RAMP1: variants seen among roughly 807,000 people sequenced by gnomAD.
RAMP1 encodes receptor activity modifying protein 1.
A neutral mutation model predicts 8.2 loss-of-function variants in RAMP1; 7 were observed. That is an observed-to-expected ratio of 0.85 (90% CI 0.49 to 1.60). RAMP1 has a LOEUF of 1.60. Ranked by LOEUF, RAMP1 falls within the 40% of genes most tolerant of loss-of-function variation. The probability of loss-of-function intolerance (pLI) is 0.00; values close to 1 mark genes in which losing one functional copy is unlikely to be tolerated. For synonymous variants in RAMP1, 92 were observed against 84.7 expected (o/e 1.09, Z -0.47); for missense variants, 192 against 202.4 (o/e 0.95, Z 0.31).
rs2062112462 is a variant in RAMP1, at chr2:237,859,654, C to T, written c.-22C>T. 2 of 1,454,248 alleles carry T rather than the reference C, an allele frequency of 1.4e-6. No homozygotes were observed. Among genetic ancestry groups the T allele is most frequent in the Non-Finnish European group, 1.8e-6 (2 of 1,101,682 alleles). The allele number at this position is 1,454,248 out of a possible 1,614,324, so 90.1% of individuals were successfully genotyped here. A position where few individuals can be genotyped will look rare whatever the true frequency, so the allele number is the denominator to read the frequency against. On this transcript the variant is annotated 5_prime_UTR_variant, in exon 1 of 3. Coordinates refer to ENST00000254661, the MANE Select transcript of RAMP1 (RefSeq NM_005855.4). ...CAGCGGGGCGCGTGGCGAGCGGACT[C>T]GACTCGGCACCGCTGTGCACCATGG... is the stretch of plus-strand genomic sequence containing the variant.
At chr2:237,861,894 T>A (rs2062136214) in intron 1 of RAMP1, among the ~76,000 whole-genome samples, 2 of 151,968 alleles carry the variant, frequency 1.3e-5, no homozygotes, top group South Asian at 4.1e-4. Context: ...TTCTTTTCCC[T>A]CTGAGCATCC....
chr2:237,910,353 A>G (rs1323225823), intron 2 of RAMP1, among the ~76,000 whole-genome samples: 1 of 151,536 alleles, frequency 6.6e-6, no homozygotes, highest in Non-Finnish European at 1.5e-5. Context: ...AGTCACACAC[A>G]CACACAATCA....
intron 1 of RAMP1, among the ~76,000 whole-genome samples, chr2:237,864,183 G>A (rs537859211): frequency 6.6e-6 from 1 of 152,276 alleles, no homozygotes; most frequent in South Asian, 2.1e-4. Flanking sequence ...TCCAGGGGGT[G>A]GGGTACAGCT....
At chr2:237,880,402 G>T (rs302679) in intron 2 of RAMP1, among the ~76,000 whole-genome samples, 126,626 of 152,186 alleles carry the variant, frequency 0.83, 53,253 homozygotes, top group African/African-American at 0.95. Flanking sequence ...GCTTATCTTA[G>T]ACATTTTGTG....
At chr2:237,866,490 C>T (rs530326977) in intron 1 of RAMP1, among the ~76,000 whole-genome samples, 26 of 152,116 alleles carry the variant, frequency 1.7e-4, no homozygotes, top group Non-Finnish European at 3.7e-4. Context: ...GAGTGACTCA[C>T]TGCTGAGTAG....
intron 1 of RAMP1, among the ~76,000 whole-genome samples, chr2:237,860,969 C>T (rs887030130): frequency 2.0e-5 from 3 of 152,192 alleles, no homozygotes; most frequent in South Asian, 4.1e-4. Context: ...GCTGAAGTTA[C>T]GTGGAAAGCA....
chr2:237,906,704 C>A (rs1438885984), intron 2 of RAMP1, among the ~76,000 whole-genome samples: 1 of 113,420 alleles, frequency 8.8e-6, no homozygotes. Flanking sequence ...TCAAAAGGTT[C>A]TTATATCAAC....
chr2:237,877,466 C>T lies in RAMP1; in HGVS notation c.191+104C>T. 2 of 1,442,814 alleles carry T rather than the reference C, an allele frequency of 1.4e-6. No homozygotes were observed. Among genetic ancestry groups the T allele is most frequent in the Non-Finnish European group, 1.9e-6 (2 of 1,080,248 alleles). The allele number at this position is 1,442,814 out of a possible 1,614,324, so 89.4% of individuals were successfully genotyped here. ...GGAGCTGTGGAAGATCCTTTCTAGACCCCGGAAGGGTTCTTCCCCCAGTGG... is the reference window on the plus strand; with the variant it reads ...GGAGCTGTGGAAGATCCTTTCTAGATCCCGGAAGGGTTCTTCCCCCAGTGG... On this transcript the variant is annotated intron_variant, in intron 2 of 2. Coordinates refer to ENST00000254661, the MANE Select transcript of RAMP1 (RefSeq NM_005855.4). This position sits in a 1 kb window ranked among gnomAD's most constrained non-coding sequence, Gnocchi z 4.4.
upstream of RAMP1, chr2:237,859,570 C>A: frequency 1.2e-6 from 1 of 813,054 alleles, no homozygotes; most frequent in Non-Finnish European, 1.5e-6. Flanking sequence ...ACCGCTCCCG[C>A]GCCCGCTCCC....
At chr2:237,899,163 CG>C (rs2062574082) in intron 2 of RAMP1, among the ~76,000 whole-genome samples, 1 of 152,234 alleles carries the variant, frequency 6.6e-6, no homozygotes, top group African/African-American at 2.4e-5. Flanking sequence ...CTCCGCCTCC[CG>C]GGTTCAAGCA....
intron 2 of RAMP1, among the ~76,000 whole-genome samples, chr2:237,901,369 C>A (rs543560071): frequency 6.6e-6 from 1 of 152,316 alleles, no homozygotes; most frequent in East Asian, 1.9e-4. Flanking sequence ...TCATGGACAG[C>A]CACAAAGTAA....
chr2:237,879,989 CAAA>C (rs35678960), intron 2 of RAMP1, among the ~76,000 whole-genome samples: 2 of 75,862 alleles, frequency 2.6e-5, no homozygotes, highest in Non-Finnish European at 5.0e-5. Context: ...GACTTTGTCT[CAAA>C]AAAAAAAAAA....
intron 2 of RAMP1, among the ~76,000 whole-genome samples, chr2:237,903,640 C>T (rs1163747061): frequency 6.6e-6 from 1 of 151,992 alleles, no homozygotes; most frequent in Non-Finnish European, 1.5e-5. Context: ...GATCCTCTGA[C>T]CTAAGCCTCC....
rs1261160114 is a variant in RAMP1, at chr2:237,865,338, GAGGGCAGGGGAGTAGAGAGGAGAGTGC to G, written c.52+5616_52+5642del. On this transcript the variant is annotated intron_variant, in intron 1 of 2. Coordinates refer to ENST00000254661, the MANE Select transcript of RAMP1 (RefSeq NM_005855.4). This position sits in a 1 kb window ranked among gnomAD's most constrained non-coding sequence, Gnocchi z 4.2. ...CAGGGGAGAAGAGAGGAGGGGAGGG[GAGGGCAGGGGAGTAGAGAGGAGAGTGC>G]AGGGGAGGGGAGATGACACCCCAGG... Among the ~76,000 whole-genome samples, 2 of 126,180 alleles carry G rather than the reference GAGGGCAGGGGAGTAGAGAGGAGAGTGC, an allele frequency of 1.6e-5. No homozygotes were observed. The highest frequency in any genetic ancestry group is 5.8e-5 in the African/African-American group (2 of 34,326). The allele number at this position is 126,180 out of a possible 152,430, so 82.8% of individuals were successfully genotyped here.
At chr2:237,858,921 CCTCAT>C (rs1350132961), upstream of RAMP1, 1 of 152,848 alleles carries the variant, frequency 6.5e-6, no homozygotes, top group Admixed American at 6.5e-5. This position sits in a 1 kb window ranked among gnomAD's most constrained non-coding sequence, Gnocchi z 4.4. Flanking sequence ...CCAAAGCAAA[CCTCAT>C]CTCAAGACTC....
intron 2 of RAMP1, among the ~76,000 whole-genome samples, chr2:237,887,094 G>A (rs1312000946): frequency 1.3e-4 from 20 of 152,174 alleles, no homozygotes; most frequent in Non-Finnish European, 1.5e-5. Flanking sequence ...GGGAAGGGGT[G>A]GGGGTGGGGT....
At chr2:237,866,451 G>A (rs2062187736) in intron 1 of RAMP1, among the ~76,000 whole-genome samples, 1 of 152,100 alleles carries the variant, frequency 6.6e-6, no homozygotes, top group South Asian at 2.1e-4. Context: ...AATTTTCCCT[G>A]TTTTGTTCTC....
chr2:237,910,419 TCA>T (rs1328531342), intron 2 of RAMP1, among the ~76,000 whole-genome samples: 1 of 134,778 alleles, frequency 7.4e-6, no homozygotes, highest in Non-Finnish European at 1.6e-5. Context: ...TGTTGCACAG[TCA>T]CACATAGAAT....
At chr2:237,907,397 C>A (rs933928665) in intron 2 of RAMP1, among the ~76,000 whole-genome samples, 1 of 152,106 alleles carries the variant, frequency 6.6e-6, no homozygotes, top group Non-Finnish European at 1.5e-5. Flanking sequence ...TCAAATATTT[C>A]TTCTGCTCCA....
Sources: allele counts gnomAD v4.1 joint callset (sites outside exome capture counted in the v4.1 genomes callset), GRCh38; gene constraint gnomAD v4.1.1; non-coding constraint Gnocchi (gnomAD v3.1); transcripts MANE v1.5; gene names NCBI Gene and HGNC (gene_info 2026-07-23, HGNC 2026-07-21).